The following XYLT1 variants were observed in gnomAD, a reference collection of about 807,000 sequenced individuals.
The protein encoded by XYLT1 is xylosyltransferase 1, also known as beta-D-xylosyltransferase 1.
XYLT1 carries 36 observed loss-of-function variants against 91.3 expected under a neutral mutation model. The observed-to-expected ratio is 0.39, with a 90% CI of 0.30 to 0.52. The LOEUF (loss-of-function observed/expected upper bound fraction) is 0.52. Ranked by LOEUF, XYLT1 falls within the 20% of genes least tolerant of loss-of-function variation. XYLT1 has a pLI of 0.68. For synonymous variants in XYLT1, 588 were observed against 532.0 expected (o/e 1.11, Z -1.45); for missense variants, 1,242 against 1,284.5 (o/e 0.97, Z 0.51).
At chr16:17,294,578 G>T (rs2034283502) in intron 2 of XYLT1, among the ~76,000 whole-genome samples, 1 of 152,080 alleles carries the variant, frequency 6.6e-6, no homozygotes, top group Non-Finnish European at 1.5e-5. Context: ...GCTTTTAGGG[G>T]ACAGCACCCA....
At chr16:17,282,051 C>T (rs2034066083) in intron 2 of XYLT1, among the ~76,000 whole-genome samples, 1 of 152,182 alleles carries the variant, frequency 6.6e-6, no homozygotes, top group African/African-American at 2.4e-5. Context: ...CAGAGCTCTC[C>T]AGGCAACTCC....
At chr16:17,457,927 G>A (rs1008616426) in intron 1 of XYLT1, among the ~76,000 whole-genome samples, 25 of 151,872 alleles carry the variant, frequency 1.6e-4, no homozygotes, top group African/African-American at 5.8e-4. Context: ...AAGGAAAAAA[G>A]AAGAAGAAAA....
chr16:17,318,049 A>G (rs977760803), intron 2 of XYLT1, among the ~76,000 whole-genome samples: 1 of 152,210 alleles, frequency 6.6e-6, no homozygotes, highest in African/African-American at 2.4e-5. Context: ...ACTTGTTTGA[A>G]GCGTTCTTAT....
intron 3 of XYLT1, among the ~76,000 whole-genome samples, chr16:17,245,016 T>C (rs896988366): frequency 6.6e-6 from 1 of 151,774 alleles, no homozygotes; most frequent in Non-Finnish European, 1.5e-5. Flanking sequence ...TATGAATCTC[T>C]TGTCACAAAA....
chr16:17,385,294 A>ACC (rs1445188258), intron 1 of XYLT1, among the ~76,000 whole-genome samples: 53 of 151,382 alleles, frequency 3.5e-4, no homozygotes, highest in African/African-American at 1.3e-3. Context: ...ACACACACAC[A>ACC]CACACACACA....
chr16:17,285,385 T>A (rs1250126751), intron 2 of XYLT1, among the ~76,000 whole-genome samples: 1 of 152,140 alleles, frequency 6.6e-6, no homozygotes, highest in Non-Finnish European at 1.5e-5. Context: ...GCTAGATGCT[T>A]CTCGATCTGC....
chr16:17,437,198 A>T (rs1272035281), intron 1 of XYLT1, among the ~76,000 whole-genome samples: 2 of 152,170 alleles, frequency 1.3e-5, no homozygotes, highest in Non-Finnish European at 2.9e-5. Context: ...AACACCAATT[A>T]TGATAAGGAA....
At chr16:17,369,130 CTTT>C (rs36042244) in intron 1 of XYLT1, among the ~76,000 whole-genome samples, 9 of 124,882 alleles carry the variant, frequency 7.2e-5, no homozygotes, top group African/African-American at 1.8e-4. Flanking sequence ...AAAAATACTT[CTTT>C]TTTTTTTTTT....
chr16:17,366,297 C>A (rs540280740), intron 1 of XYLT1, among the ~76,000 whole-genome samples: 1 of 152,262 alleles, frequency 6.6e-6, no homozygotes, highest in East Asian at 1.9e-4. Flanking sequence ...TGCAAATTGC[C>A]TAAGGTCACA....
chr16:17,466,416 A>T (rs145606954), intron 1 of XYLT1, among the ~76,000 whole-genome samples: 307 of 152,232 alleles, frequency 2.0e-3, no homozygotes, highest in African/African-American at 6.8e-3. Flanking sequence ...ATGCCTAAGG[A>T]TATCTTTGCT....
chr16:17,114,599 G>T (rs540881826), intron 11 of XYLT1, among the ~76,000 whole-genome samples: 4 of 152,158 alleles, frequency 2.6e-5, no homozygotes, highest in Non-Finnish European at 5.9e-5. Flanking sequence ...AACTCCCTTT[G>T]CTAGGACTCA....
chr16:17,410,168 T>C (rs540166148), intron 1 of XYLT1, among the ~76,000 whole-genome samples: 9 of 152,150 alleles, frequency 5.9e-5, no homozygotes, highest in Non-Finnish European at 1.3e-4. Context: ...TTTCCCCACA[T>C]AACTTGCTCT....
chr16:17,398,123 G>A (rs187353707), intron 1 of XYLT1, among the ~76,000 whole-genome samples: 33 of 152,218 alleles, frequency 2.2e-4, no homozygotes, highest in African/African-American at 7.5e-4. Flanking sequence ...CGGAGGCCAC[G>A]TAAATATTGA....
chr16:17,168,460 AGG>A (rs1274086098), intron 5 of XYLT1, among the ~76,000 whole-genome samples: 1 of 152,178 alleles, frequency 6.6e-6, no homozygotes, highest in Non-Finnish European at 1.5e-5. Flanking sequence ...AGGAGGGCAA[AGG>A]CTGAAAAATA....
chr16:17,251,669 T>C (rs1297779466), intron 3 of XYLT1, among the ~76,000 whole-genome samples: 1 of 152,134 alleles, frequency 6.6e-6, no homozygotes, highest in Non-Finnish European at 1.5e-5. Context: ...CAAAATGTAA[T>C]GAGGCAGAAA....
intron 2 of XYLT1, among the ~76,000 whole-genome samples, chr16:17,353,507 G>A (rs886808006): frequency 9.2e-5 from 14 of 152,180 alleles, no homozygotes; most frequent in Admixed American, 7.2e-4. Context: ...CTACTGATGC[G>A]CAGGGACATG....
chr16:17,323,518 A>G (rs2034755581), intron 2 of XYLT1, among the ~76,000 whole-genome samples: 1 of 152,232 alleles, frequency 6.6e-6, no homozygotes, highest in African/African-American at 2.4e-5. Context: ...ATTTCACTTA[A>G]AAGGGCTTTT....
intron 5 of XYLT1, among the ~76,000 whole-genome samples, chr16:17,166,633 T>C (rs1453289821): frequency 5.9e-5 from 9 of 151,860 alleles, no homozygotes; most frequent in African/African-American, 1.9e-4. Context: ...TGCTTCAGCC[T>C]CTTGAGTAGC....
chr16:17,129,836 A>T (rs1020491449), intron 9 of XYLT1, among the ~76,000 whole-genome samples: 3 of 152,230 alleles, frequency 2.0e-5, no homozygotes, highest in African/African-American at 7.2e-5. Context: ...GGTCACCTGC[A>T]TTAATGTCCC....
Sources: allele counts gnomAD v4.1 joint callset (sites outside exome capture counted in the v4.1 genomes callset), GRCh38; gene constraint gnomAD v4.1.1; transcripts MANE v1.5; gene names NCBI Gene and HGNC (gene_info 2026-07-23, HGNC 2026-07-21).